Variants in EDEM3 observed in about 807,000 individuals in gnomAD.
EDEM3 encodes the protein ER degradation enhancing alpha-mannosidase like protein 3.
In EDEM3, 60 loss-of-function variants were observed where a neutral mutation model predicts 110.2. The ratio of observed to expected loss-of-function variants is 0.54; its 90% confidence interval spans 0.44 to 0.67. EDEM3 has a LOEUF of 0.67. Ranked by LOEUF, EDEM3 falls within the 30% of genes least tolerant of loss-of-function variation. EDEM3 has a pLI of 0.00. For missense variants in EDEM3, 996 were observed against 1,121.0 expected, an observed-to-expected ratio of 0.89 and a Z score of 1.59; for synonymous variants, 352 against 382.9, an observed-to-expected ratio of 0.92 and a Z score of 0.94.
In EDEM3 at chr1:184,702,838, G is replaced by A; in HGVS notation, c.2362C>T (p.Leu788Phe). The change falls in exon 19 of 20, where the codon CTC (leucine) becomes TTC (phenylalanine). Residue 788 changes from leucine (L) to phenylalanine (F), a missense_variant. By Grantham distance (22) the Leu-to-Phe change is conservative. Coordinates refer to ENST00000318130, the MANE Select transcript of EDEM3 (RefSeq NM_025191.4). Reference protein sequence around the residue: ...AIREYEEVEVLLSDKAKDRDP... With the variant: ...AIREYEEVEVFLSDKAKDRDP... Reference sequence around the variant, plus strand: ...CGATCTTTTGCTTTATCAGAGAGGAGCACTTCTACCTCCTCATATTCCCGG... The same window carrying A: ...CGATCTTTTGCTTTATCAGAGAGGAACACTTCTACCTCCTCATATTCCCGG... 1 of 1,608,056 alleles carries A rather than the reference G, an allele frequency of 6.2e-7. No homozygotes were observed.
chr1:184,741,501 A>AT (rs1652138653), intron 2 of EDEM3, among the ~76,000 whole-genome samples: 1 of 152,140 alleles, frequency 6.6e-6, no homozygotes, highest in Non-Finnish European at 1.5e-5. Flanking sequence ...TAGTTTTGCT[A>AT]TTTTTTTCAT....
Position 184,706,660 on chromosome 1 carries a change from A to G in EDEM3, c.2186T>C (p.Ile729Thr), listed in dbSNP as rs553481965. ...TTACTTACCAATAACAATGCCACCAATGGCTCCAGCATTCTGGATGTTGCG... is the reference window on the plus strand; with the variant it reads ...TTACTTACCAATAACAATGCCACCAGTGGCTCCAGCATTCTGGATGTTGCG... ...KARNIQNAGA[I>T]GGIVIDDNEG... Residue 729 changes from isoleucine to threonine, a missense_variant, in exon 18 of 20, where the codon ATT becomes ACT. By Grantham distance (89) the Ile-to-Thr change is moderately conservative. Transcript: ENST00000318130. The G allele has an allele frequency of 4.3e-6, 7 of 1,611,936 alleles. No individual in the cohort carries two copies. The Admixed American group carries it at 5.0e-5, about 12-fold the overall frequency.
At chr1:184,709,743 G>A (rs1650124744) in intron 16 of EDEM3, among the ~76,000 whole-genome samples, 1 of 152,180 alleles carries the variant, frequency 6.6e-6, no homozygotes, top group Non-Finnish European at 1.5e-5. Flanking sequence ...TGGATGAGAT[G>A]AAAACTTGAG....
In EDEM3 at chr1:184,716,830, G is replaced by A. The variant is rs1650577233; in HGVS notation, c.1370+58C>T. 5.1e-6 allele frequency: 8 copies of A among 1,583,624 alleles called. No homozygotes were observed. In the South Asian group the frequency reaches 8.1e-5, roughly 16 times the overall value. ...CTTATTTGAATCCTAAATGGTAGCT[G>A]CATTTTGTGTTGTTTCAGAGAGACC... On this transcript the variant is annotated intron_variant, in intron 13 of 19. Transcript: ENST00000318130.
At chr1:184,724,510 G>A (rs968264300) in intron 7 of EDEM3, among the ~76,000 whole-genome samples, 2 of 152,040 alleles carry the variant, frequency 1.3e-5, no homozygotes, top group Non-Finnish European at 2.9e-5. Context: ...TTTGGCTTTG[G>A]ATGAAAAGAT....
In EDEM3 at chr1:184,721,202, T is replaced by C. The variant is rs1304240099; in HGVS notation, c.951+87A>G. Reference sequence around the variant, plus strand: ...CCACTACACATTTTAAAAATTATTTTTACAATGTCATTCAGGTAATGGAGT... The same window carrying C: ...CCACTACACATTTTAAAAATTATTTCTACAATGTCATTCAGGTAATGGAGT... On this transcript the variant is annotated intron_variant, in intron 9 of 19. Coordinates refer to ENST00000318130, the MANE Select transcript of EDEM3 (RefSeq NM_025191.4). The C allele has an allele frequency of 3.9e-6, 4 of 1,033,878 alleles. 1 individual carries two copies. The highest frequency in any genetic ancestry group is 3.1e-5 in the South Asian group (2 of 64,336). 64.0% of individuals were successfully genotyped at this position (1,033,878 alleles called of 1,614,324 possible).
At chr1:184,739,769 A>G (rs1248641636) in intron 2 of EDEM3, among the ~76,000 whole-genome samples, 1 of 152,198 alleles carries the variant, frequency 6.6e-6, no homozygotes, top group Non-Finnish European at 1.5e-5. Context: ...TACAAACACA[A>G]TGAAATGCTA....
At chr1:184,721,897 A>T (rs1045059845) in intron 8 of EDEM3, among the ~76,000 whole-genome samples, 2 of 151,956 alleles carry the variant, frequency 1.3e-5, no homozygotes, top group Non-Finnish European at 1.5e-5. Flanking sequence ...AACTGAACCA[A>T]CTCTAGACAA....
chr1:184,749,552 A>G lies in EDEM3; in HGVS notation c.199T>C (p.Tyr67His). The G allele has an allele frequency of 1.3e-6, 2 of 1,575,506 alleles. No individual in the cohort carries two copies. Among genetic ancestry groups the G allele is most frequent in the Non-Finnish European group, 1.7e-6 (2 of 1,159,498 alleles). The change falls in exon 2 of 20, where the codon TAT (tyrosine) becomes CAT (histidine). Residue 67 changes from tyrosine to histidine, a missense_variant. Tyr to His is a moderately conservative substitution (Grantham distance 83). Around this residue, in one of 5 missense-constraint regions of EDEM3, gnomAD observed 200 missense variants for 183.8 expected, o/e 1.09. Coordinates refer to ENST00000318130, the MANE Select transcript of EDEM3 (RefSeq NM_025191.4). ...AAGATAAGCTTCCTACTTACCATAT[A>G]GTTACCATAAGCATGATCAAACATT... ...LEMFDHAYGNYMEHAYPADEL... is the reference protein window; with the variant it reads ...LEMFDHAYGNHMEHAYPADEL...
intron 8 of EDEM3, among the ~76,000 whole-genome samples, chr1:184,722,891 C>T (rs955683590): frequency 6.6e-6 from 1 of 151,790 alleles, no homozygotes; most frequent in Non-Finnish European, 1.5e-5. Flanking sequence ...AATCACAGTT[C>T]TTTGTACAAT....
At chr1:184,721,431 C>T (rs779978681) in intron 8 of EDEM3, 45 bp from the exon 9 acceptor site, 12 of 1,498,098 alleles carry the variant, frequency 8.0e-6, no homozygotes, top group Admixed American at 4.4e-5. Flanking sequence ...TTTTTAAAAC[C>T]GTTAAATTTT....
At chr1:184,754,220 C>T (rs1652954013) in intron 1 of EDEM3, among the ~76,000 whole-genome samples, 1 of 152,236 alleles carries the variant, frequency 6.6e-6, no homozygotes, top group Non-Finnish European at 1.5e-5. Flanking sequence ...ACTGACATGG[C>T]AGCCGCGTTG....
At chr1:184,695,804 G>C (rs914930591) in intron 19 of EDEM3, among the ~76,000 whole-genome samples, 4 of 151,962 alleles carry the variant, frequency 2.6e-5, no homozygotes, top group African/African-American at 9.7e-5. Flanking sequence ...AGAAGGGAGG[G>C]AAGAGGATTT....
chr1:184,716,138 C>G (rs1650532683), intron 13 of EDEM3, among the ~76,000 whole-genome samples: 1 of 152,154 alleles, frequency 6.6e-6, no homozygotes, highest in Non-Finnish European at 1.5e-5. Context: ...TTTTAAAAGT[C>G]TGCTTATTGG....
At chr1:184,722,860 C>T (rs1383421427) in intron 8 of EDEM3, among the ~76,000 whole-genome samples, 1 of 151,814 alleles carries the variant, frequency 6.6e-6, no homozygotes, top group African/African-American at 2.4e-5. Context: ...CTATGCTTAT[C>T]AGGGTGTTTT....
Position 184,737,050 on chromosome 1 carries a change from A to C in EDEM3, c.320T>G (p.Leu107Arg). The C allele has an allele frequency of 3.1e-6, 5 of 1,608,564 alleles. No individual in the cohort carries two copies. Among genetic ancestry groups the C allele is most frequent in the Non-Finnish European group, 4.2e-6 (5 of 1,178,382 alleles). The change falls in exon 4 of 20, where the codon CTG becomes CGG. Residue 107 changes from leucine to arginine, a missense_variant. Transcript: ENST00000318130. The part of the protein sequence containing the change: ...DDALGKFSLT[L>R]IDSLDTLVVL... ...CACAAGAGTGTCCAAAGAATCAATC[A>C]GTGTCAGAGAAAATCTAAGAAACAA...
At chr1:184,748,339 C>G (rs1288266003) in intron 2 of EDEM3, among the ~76,000 whole-genome samples, 1 of 151,746 alleles carries the variant, frequency 6.6e-6, no homozygotes, top group Non-Finnish European at 1.5e-5. Context: ...CCCAGCTACT[C>G]AGGAGGCTGA....
At chr1:184,750,695 T>C (rs995395469) in intron 1 of EDEM3, among the ~76,000 whole-genome samples, 20 of 151,930 alleles carry the variant, frequency 1.3e-4, no homozygotes, top group African/African-American at 4.1e-4. Flanking sequence ...GCATTTTCAG[T>C]AGAGACAGGG....
intron 2 of EDEM3, among the ~76,000 whole-genome samples, chr1:184,745,778 T>C (rs1652399449): frequency 6.6e-6 from 1 of 152,168 alleles, no homozygotes; most frequent in Non-Finnish European, 1.5e-5. Context: ...GCTTACCAAC[T>C]CTATCCAAGC....
Sources: allele counts gnomAD v4.1 joint callset (sites outside exome capture counted in the v4.1 genomes callset), GRCh38; gene constraint gnomAD v4.1.1; regional missense constraint gnomAD v4.1.1; transcripts MANE v1.5; gene names NCBI Gene and HGNC (gene_info 2026-07-23, HGNC 2026-07-21).